The following ARHGEF12 variants were observed in gnomAD, a reference collection of about 807,000 sequenced individuals.
ARHGEF12 encodes the protein Rho guanine nucleotide exchange factor 12.
ARHGEF12 carries 66 observed loss-of-function variants against 211.2 expected under a neutral mutation model. The observed-to-expected ratio is 0.31, with a 90% CI of 0.26 to 0.38. The LOEUF (loss-of-function observed/expected upper bound fraction) is 0.38. Ranked by LOEUF, ARHGEF12 falls within the 10% of genes least tolerant of loss-of-function variation. The pLI is 1.00. For synonymous variants in ARHGEF12, 592 were observed against 638.4 expected (o/e 0.93, Z 1.09); for missense variants, 1,429 against 1,869.5 (o/e 0.76, Z 4.34).
rs148805111 is a variant in ARHGEF12, at chr11:120,453,478, G to A, written c.2056+1754G>A. Among the ~76,000 whole-genome samples the A allele has an allele frequency of 6.5e-3, 987 of 152,246 alleles. 10 individuals are homozygous for A. Among genetic ancestry groups the A allele is most frequent in the African/African-American group, 0.023 (935 of 41,536 alleles). ...CTTACTCCTGTAATCCCAGAACTTTGGGAGGCTGAGGCAGGAGGATTGCTT... is the reference window on the plus strand; with the variant it reads ...CTTACTCCTGTAATCCCAGAACTTTAGGAGGCTGAGGCAGGAGGATTGCTT... On this transcript the variant is annotated intron_variant, in intron 22 of 40. Coordinates refer to ENST00000397843, the MANE Select transcript of ARHGEF12 (RefSeq NM_015313.3).
chr11:120,451,274 G>A lies in ARHGEF12; in HGVS notation c.1844-238G>A, dbSNP rs563972537. On this transcript the variant is annotated intron_variant, in intron 21 of 40. Transcript: ENST00000397843. ...GCTCACTGCAACCTCCGCCTCCCGG[G>A]TTGGAGCGATTCTCCTGCCTCAGCC... 2.3e-4 allele frequency: 85 copies of A among 376,410 alleles called. No homozygotes were observed. In the Middle Eastern group the frequency reaches 2.4e-3, roughly 11 times the overall value. 23.3% of individuals were successfully genotyped at this position (376,410 alleles called of 1,614,324 possible).
At chr11:120,424,850 G>A (rs1945291565) in intron 7 of ARHGEF12, among the ~76,000 whole-genome samples, 1 of 152,198 alleles carries the variant, frequency 6.6e-6, no homozygotes, top group Admixed American at 6.5e-5. Context: ...CAGACATATG[G>A]CCTGATGAAC....
chr11:120,471,766 T>A (rs1311406734), intron 30 of ARHGEF12, among the ~76,000 whole-genome samples: 1 of 152,026 alleles, frequency 6.6e-6, no homozygotes. Flanking sequence ...ATAGAGCAAA[T>A]GTTAATTGTA....
At chr11:120,472,643 A>G (rs1189128452) in intron 30 of ARHGEF12, among the ~76,000 whole-genome samples, 1 of 151,964 alleles carries the variant, frequency 6.6e-6, no homozygotes, top group East Asian at 1.9e-4. Flanking sequence ...CATTGCAAAG[A>G]GCTCAGTAAA....
chr11:120,348,336 G>A (rs1372242094), intron 1 of ARHGEF12, among the ~76,000 whole-genome samples: 1 of 152,184 alleles, frequency 6.6e-6, no homozygotes, highest in Non-Finnish European at 1.5e-5. Flanking sequence ...CTGTTTTTCT[G>A]TTGTTGTATC....
At chr11:120,343,136 G>A (rs1231584452) in intron 1 of ARHGEF12, among the ~76,000 whole-genome samples, 3 of 151,816 alleles carry the variant, frequency 2.0e-5, no homozygotes, top group East Asian at 3.9e-4. Flanking sequence ...TACAAGAATT[G>A]TTAATGACAA....
At chr11:120,338,549 T>C (rs987564266) in intron 1 of ARHGEF12, among the ~76,000 whole-genome samples, 1 of 152,248 alleles carries the variant, frequency 6.6e-6, no homozygotes, top group Non-Finnish European at 1.5e-5. Flanking sequence ...TTCAATGAAA[T>C]AATTTTTAAC....
chr11:120,418,544 T>A (rs965164947), intron 4 of ARHGEF12, among the ~76,000 whole-genome samples: 2 of 152,264 alleles, frequency 1.3e-5, no homozygotes, highest in Admixed American at 6.5e-5. Context: ...ACACAAATTG[T>A]TCTTTCTCTT....
intron 1 of ARHGEF12, among the ~76,000 whole-genome samples, chr11:120,343,993 G>A (rs1026898690): frequency 2.0e-5 from 3 of 152,026 alleles, no homozygotes; most frequent in Non-Finnish European, 2.9e-5. Flanking sequence ...GGCCAGGCGC[G>A]GTGGCTCATG....
chr11:120,409,381 C>T lies in ARHGEF12; in HGVS notation c.143-13C>T, dbSNP rs748203540. ...TTTCTATATCTCTCTCCTTTTCTCC[C>T]GCTCTTGTGCAGATAGCTCCTCCAA... is the stretch of plus-strand genomic sequence containing the variant. On this transcript the variant is annotated splice_polypyrimidine_tract_variant and intron_variant, in intron 3 of 40. Transcript: ENST00000397843. 19 of 1,612,762 alleles carry T rather than the reference C, an allele frequency of 1.2e-5. No homozygotes were observed. The highest frequency in any genetic ancestry group is 1.0e-4 in the Admixed American group (6 of 59,932).
chr11:120,446,414 C>T lies in ARHGEF12; in HGVS notation c.1357C>T (p.Pro453Ser). The change falls in exon 17 of 41, where the codon CCT (proline) becomes TCT (serine). Residue 453 changes from proline to serine, a missense_variant. Around this residue, in one of 7 missense-constraint regions of ARHGEF12, gnomAD observed 373 missense variants for 467.5 expected, o/e 0.80. Coordinates refer to ENST00000397843, the MANE Select transcript of ARHGEF12 (RefSeq NM_015313.3). ...EMSADLEKRR[P>S]ELIPEDLHRH... Reference sequence around the variant, plus strand: ...TTTCATTTATGAAGAAAAGAGAAGACCTGAGCTCATTCCTGAGGATCTGCA... The same window carrying T: ...TTTCATTTATGAAGAAAAGAGAAGATCTGAGCTCATTCCTGAGGATCTGCA... 1 of 1,611,962 alleles carries T rather than the reference C, an allele frequency of 6.2e-7. No homozygotes were observed. The highest frequency in any genetic ancestry group is 8.5e-7 in the Non-Finnish European group (1 of 1,179,030).
At chr11:120,398,874 C>G (rs956741863) in intron 1 of ARHGEF12, among the ~76,000 whole-genome samples, 4 of 151,798 alleles carry the variant, frequency 2.6e-5, no homozygotes, top group Non-Finnish European at 1.5e-5. Flanking sequence ...TTCGTATAAC[C>G]TCTAAATTTT....
rs1565416893 is a variant in ARHGEF12 at position 120,347,149 on chromosome 11, TTCCTTCCTTCCTTC to T, written c.32+9875_32+9888del. Reference sequence around the variant, plus strand: ...TTTCTTTCTTTCCTTCCTTCCTTCCTTCCTTCCTTCCTTCCTTCCTTCCTTCCTTCCTTCCTTTC... The same window carrying T: ...TTTCTTTCTTTCCTTCCTTCCTTCCTCTTCCTTCCTTCCTTCCTTCCTTTC... On this transcript the variant is annotated intron_variant, in intron 1 of 40. Coordinates refer to ENST00000397843, the MANE Select transcript of ARHGEF12 (RefSeq NM_015313.3). Among the ~76,000 whole-genome samples the T allele has an allele frequency of 4.8e-3, 224 of 47,086 alleles. 5 individuals are homozygous for T. The highest frequency in any genetic ancestry group is 8.2e-3 in the Middle Eastern group (1 of 122). 30.9% of individuals were successfully genotyped at this position (47,086 alleles called of 152,430 possible).
intron 27 of ARHGEF12, chr11:120,465,012 GAAAAA>G: frequency 2.3e-6 from 1 of 439,304 alleles, no homozygotes; most frequent in African/African-American, 2.2e-5. Flanking sequence ...TCAAAAAAAA[GAAAAA>G]AAAAAGAAGA....
intron 1 of ARHGEF12, among the ~76,000 whole-genome samples, chr11:120,394,741 T>A (rs1433484715): frequency 6.6e-6 from 1 of 151,716 alleles, no homozygotes; most frequent in Non-Finnish European, 1.5e-5. Context: ...GTGACATCAT[T>A]ACAGATTCTT....
chr11:120,412,606 T>A (rs1306398095), intron 4 of ARHGEF12, among the ~76,000 whole-genome samples: 1 of 152,206 alleles, frequency 6.6e-6, no homozygotes. Context: ...TCTCTTTATT[T>A]GATTGTTTTT....
intron 1 of ARHGEF12, among the ~76,000 whole-genome samples, chr11:120,394,972 G>A (rs1004922915): frequency 2.7e-5 from 4 of 148,206 alleles, no homozygotes; most frequent in African/African-American, 7.5e-5. Flanking sequence ...GATGAGAATC[G>A]CTTGAGCCCA....
At chr11:120,400,340 TAG>T (rs1214164393) in intron 1 of ARHGEF12, among the ~76,000 whole-genome samples, 3 of 152,166 alleles carry the variant, frequency 2.0e-5, no homozygotes, top group Non-Finnish European at 2.9e-5. Context: ...GATCATTTTG[TAG>T]AGTCCAGTTT....
At chr11:120,385,264 T>A (rs1943995706) in intron 1 of ARHGEF12, 1 of 982,418 alleles carries the variant, frequency 1.0e-6, no homozygotes, top group Non-Finnish European at 1.2e-6. Context: ...TGATGGTAGA[T>A]GATTGGGGGT....
Sources: gnomAD v4.1 joint callset for allele counts (sites outside exome capture counted in the v4.1 genomes callset) on GRCh38, gnomAD v4.1.1 for gene constraint, gnomAD v4.1.1 regional missense constraint, MANE v1.5 for transcripts, NCBI Gene and HGNC (gene_info 2026-07-23, HGNC 2026-07-21) for gene names.